Variants in TARBP1 observed in about 807,000 individuals in gnomAD.
TARBP1 encodes the protein tRNA (guanosine(18)-2'-O)-methyltransferase TARBP1.
In TARBP1, 144 loss-of-function variants were observed where a neutral mutation model predicts 178.6. That is an observed-to-expected ratio of 0.81 (90% CI 0.70 to 0.93). TARBP1 has a LOEUF of 0.93. TARBP1 is among the 40% of genes least tolerant of loss of function. TARBP1 has a pLI of 0.00. For missense variants in TARBP1, 2,067 were observed against 2,011.7 expected (o/e 1.03, Z -0.53); for synonymous variants, 787 against 781.0 (o/e 1.01, Z -0.13).
At chr1:234,418,977 C>T (rs1164019462) in intron 21 of TARBP1, among the ~76,000 whole-genome samples, 1 of 152,072 alleles carries the variant, frequency 6.6e-6, no homozygotes, top group East Asian at 1.9e-4. Flanking sequence ...TCGAGACCAT[C>T]CTGGCTAACA....
intron 22 of TARBP1, among the ~76,000 whole-genome samples, chr1:234,411,595 G>C (rs1661828858): frequency 6.6e-6 from 1 of 152,188 alleles, no homozygotes; most frequent in Non-Finnish European, 1.5e-5. Flanking sequence ...GAGAGTGATG[G>C]AGATAAGGCT....
At chr1:234,430,346 T>C (rs1664298104) in intron 14 of TARBP1, 45 bp from the exon 15 acceptor site, 1 of 1,564,332 alleles carries the variant, frequency 6.4e-7, no homozygotes, top group Non-Finnish European at 8.7e-7. Flanking sequence ...TGCACAAGTC[T>C]TAATCAGTAA....
rs542642228 is a variant in TARBP1 at position 234,464,366 on chromosome 1, T to C, written c.1302-432A>G. On this transcript the variant is annotated intron_variant, in intron 5 of 29. Transcript: ENST00000040877. ...GACATATATTAGTAATAAATTACTT[T>C]TGCAAGAGTATTTAATTGTTAACAT... 2.6e-5 allele frequency among the ~76,000 whole-genome samples: 4 copies of C among 152,368 alleles called. No homozygotes were observed. In the South Asian group the frequency reaches 6.2e-4, roughly 24 times the overall value.
At chr1:234,414,395 T>C (rs932967072) in intron 22 of TARBP1, among the ~76,000 whole-genome samples, 7 of 151,786 alleles carry the variant, frequency 4.6e-5, no homozygotes, top group African/African-American at 1.7e-4. Context: ...AAATAAGAAA[T>C]TAATAATAAT....
chr1:234,433,376 A>G (rs758230947), intron 14 of TARBP1, 34 bp downstream of exon 14: 1 of 1,602,370 alleles, frequency 6.2e-7, no homozygotes, highest in South Asian at 1.1e-5. Flanking sequence ...GCCTTATTCA[A>G]GATAACTACA....
intron 6 of TARBP1, among the ~76,000 whole-genome samples, chr1:234,461,722 T>C (rs761366067): frequency 2.0e-5 from 3 of 152,214 alleles, no homozygotes; most frequent in Admixed American, 6.5e-5. Context: ...AACAGTAACA[T>C]CTTTCTCATA....
intron 1 of TARBP1, among the ~76,000 whole-genome samples, chr1:234,474,619 G>A (rs1327134011): frequency 2.6e-5 from 4 of 152,166 alleles, no homozygotes; most frequent in African/African-American, 9.7e-5. Flanking sequence ...ATTCAGAATG[G>A]TTTCAGATTT....
chr1:234,419,854 T>C (rs1662886934), intron 21 of TARBP1, among the ~76,000 whole-genome samples: 1 of 152,216 alleles, frequency 6.6e-6, no homozygotes, highest in Non-Finnish European at 1.5e-5. Context: ...CAAATTGTTT[T>C]ATTTGAATAT....
intron 14 of TARBP1, among the ~76,000 whole-genome samples, chr1:234,433,099 A>G (rs1432159825): frequency 2.0e-5 from 3 of 152,154 alleles, no homozygotes; most frequent in African/African-American, 4.8e-5. Context: ...TTAGCCAGCC[A>G]TGGTGGCACA....
chr1:234,472,329 C>CAAA (rs1160411119), intron 2 of TARBP1, among the ~76,000 whole-genome samples: 3,490 of 46,056 alleles, frequency 0.076, 552 homozygotes, highest in Non-Finnish European at 0.11. Context: ...ACTCTGTCTC[C>CAAA]AAAAAAAAAA....
At chr1:234,477,183 AAAAC>A (rs144297836) in intron 1 of TARBP1, among the ~76,000 whole-genome samples, 5,832 of 152,036 alleles carry the variant, frequency 0.038, 149 homozygotes, top group African/African-American at 0.071. Context: ...GAAACTCCAT[AAAAC>A]AAACAAACAA....
At chr1:234,414,337 C>T (rs368991093) in intron 22 of TARBP1, among the ~76,000 whole-genome samples, 7 of 152,206 alleles carry the variant, frequency 4.6e-5, no homozygotes, top group South Asian at 4.2e-4. Context: ...GTAAGTCATT[C>T]ACATTAGGTA....
In TARBP1 at chr1:234,406,082, T is replaced by C. The variant is rs756671039; in HGVS notation, c.3810A>G (p.Gln1270=). ...ACCACTGCAGCACAACTATAAGGGCTTGCTTCAGAATTAGTTTCTGAAAAG... is the reference window on the plus strand; with the variant it reads ...ACCACTGCAGCACAACTATAAGGGCCTGCTTCAGAATTAGTTTCTGAAAAG... ...NIPEKKLILK[Q]ALIVVLQWCF... is the part of the protein sequence containing the mutation. The change falls in exon 24 of 30, where the codon CAA becomes CAG. Residue 1270 remains glutamine (Q), a synonymous_variant. Coordinates refer to ENST00000040877, the MANE Select transcript of TARBP1 (RefSeq NM_005646.4). The C allele has an allele frequency of 6.2e-7, 1 of 1,613,586 alleles. No individual in the cohort carries two copies. The highest frequency in any genetic ancestry group is 8.5e-7 in the Non-Finnish European group (1 of 1,179,872).
chr1:234,414,667 A>T (rs1662215867), intron 22 of TARBP1, among the ~76,000 whole-genome samples: 8 of 152,156 alleles, frequency 5.3e-5, no homozygotes. Flanking sequence ...TCTACCATGG[A>T]TTCAAGAGTG....
In TARBP1 at chr1:234,427,243, A is replaced by G. The variant is rs562550054; in HGVS notation, c.3323+74T>C. ...GTCACTTATTAAATTTAGCAAATAC[A>G]GAATGTTTGTCATATGATGTTAAAT... On this transcript the variant is annotated intron_variant, in intron 19 of 29. Coordinates refer to ENST00000040877, the MANE Select transcript of TARBP1 (RefSeq NM_005646.4). 92 of 1,030,550 alleles carry G rather than the reference A, an allele frequency of 8.9e-5. 1 individual carries two copies. In the Middle Eastern group the frequency reaches 3.3e-3, roughly 36 times the overall value. 63.8% of individuals were successfully genotyped at this position (1,030,550 alleles called of 1,614,324 possible).
At position 234,478,471 on chromosome 1, in the gene TARBP1, C is replaced by T; in HGVS notation, c.633G>A (p.Trp211Ter). ...ACGCCCCAGGCGCGGCCAGCCCGCC[C>T]CACACGGCCCGCAGCGCCGCCCCGC... ...QCGGAALRAV[W>*]GGLAAPGASL... is the part of the protein sequence containing the mutation. The change falls in exon 1 of 30, where the codon TGG (tryptophan) becomes TGA (stop). Residue 211 changes from tryptophan (W) to a stop codon, truncating the protein, a stop_gained. Coordinates refer to ENST00000040877, the MANE Select transcript of TARBP1 (RefSeq NM_005646.4). LOFTEE classifies it high-confidence loss of function. 7.2e-7 allele frequency: 1 copy of T among 1,383,120 alleles called. No individual in the cohort carries two copies. Among genetic ancestry groups the T allele is most frequent in the Non-Finnish European group, 9.4e-7 (1 of 1,065,248 alleles). 85.7% of individuals were successfully genotyped at this position (1,383,120 alleles called of 1,614,324 possible). A position where few individuals can be genotyped will look rare whatever the true frequency, so the allele number is the denominator to read the frequency against.
Position 234,451,766 on chromosome 1 carries a change from A to ACAAAAAAAC in TARBP1, c.1723-1201_1723-1200insGTTTTTTTG, listed in dbSNP as rs57636903. 1.7e-4 allele frequency among the ~76,000 whole-genome samples: 3 copies of ACAAAAAAAC among 17,176 alleles called. 1 individual carries two copies. Among genetic ancestry groups the ACAAAAAAAC allele is most frequent in the South Asian group, 0.013 (2 of 156 alleles). 11.3% of individuals were successfully genotyped at this position (17,176 alleles called of 152,430 possible). A position where few individuals can be genotyped will look rare whatever the true frequency, so the allele number is the denominator to read the frequency against. On this transcript the variant is annotated intron_variant, in intron 9 of 29. Transcript: ENST00000040877. ...TCCGTCTCAAAAAAAAAAAAAAAAA[A>ACAAAAAAAC]TGATGAATGACTGGATCATCGAAGT...
At chr1:234,430,625 A>G (rs1033972786) in intron 14 of TARBP1, among the ~76,000 whole-genome samples, 1 of 152,204 alleles carries the variant, frequency 6.6e-6, no homozygotes, top group Admixed American at 6.5e-5. Flanking sequence ...AGCTGTGTGT[A>G]AGTCCTTCTT....
At chr1:234,418,885 T>C (rs1215340300) in intron 21 of TARBP1, among the ~76,000 whole-genome samples, 1 of 152,174 alleles carries the variant, frequency 6.6e-6, no homozygotes, top group Non-Finnish European at 1.5e-5. Flanking sequence ...AAAAGTAATA[T>C]GTATTGGCCG....
Sources: allele counts gnomAD v4.1 joint callset (sites outside exome capture counted in the v4.1 genomes callset), GRCh38; gene constraint gnomAD v4.1.1; transcripts MANE v1.5; gene names NCBI Gene and HGNC (gene_info 2026-07-23, HGNC 2026-07-21).